The following SLC14A2 variants were observed in gnomAD, a reference collection of about 807,000 sequenced individuals.
SLC14A2 encodes the protein urea transporter 2.
In SLC14A2, 91 loss-of-function variants were observed where a neutral mutation model predicts 104.6. The ratio of observed to expected loss-of-function variants is 0.87; its 90% CI spans 0.73 to 1.04. The LOEUF (loss-of-function observed/expected upper bound fraction) is 1.04, where lower values mean the gene tolerates loss of function less well. SLC14A2 is among the 50% of genes least tolerant of loss of function. SLC14A2 has a pLI of 0.00. For synonymous variants in SLC14A2, 476 were observed against 466.4 expected, an observed-to-expected ratio of 1.02 and a Z score of -0.27; for missense variants, 1,189 against 1,156.0, an observed-to-expected ratio of 1.03 and a Z score of -0.41.
chr18:45,648,954 G>A (rs1024298489), intron 10 of SLC14A2, among the ~76,000 whole-genome samples: 6 of 151,964 alleles, frequency 3.9e-5, no homozygotes, highest in South Asian at 2.1e-4. Context: ...CGTCTCTCAC[G>A]AGGTCAGGAG....
At chr18:45,505,641 T>C (rs1009251833) in intron 2 of SLC14A2, among the ~76,000 whole-genome samples, 1 of 152,124 alleles carries the variant, frequency 6.6e-6, no homozygotes, top group Non-Finnish European at 1.5e-5. Context: ...TGCAAACAGA[T>C]TTCCATATGT....
At chr18:45,259,572 T>A (rs1260805647) in intron 1 of SLC14A2, among the ~76,000 whole-genome samples, 2 of 151,926 alleles carry the variant, frequency 1.3e-5, no homozygotes, top group African/African-American at 4.8e-5. Flanking sequence ...GAAGGAAAGG[T>A]GAAGAGTAAA....
intron 1 of SLC14A2, among the ~76,000 whole-genome samples, chr18:45,360,054 C>G (rs147970304): frequency 6.6e-6 from 1 of 152,324 alleles, no homozygotes; most frequent in South Asian, 2.1e-4. Context: ...TTAGCCCAGA[C>G]GAGCTGTACT....
At chr18:45,671,118 C>G (rs1330146096) in intron 16 of SLC14A2, among the ~76,000 whole-genome samples, 1 of 152,104 alleles carries the variant, frequency 6.6e-6, no homozygotes, top group Non-Finnish European at 1.5e-5. Context: ...CAAACTTGCT[C>G]TAAGTGGCAT....
At chr18:45,394,291 A>G (rs1277678285) in intron 1 of SLC14A2, among the ~76,000 whole-genome samples, 2 of 152,108 alleles carry the variant, frequency 1.3e-5, no homozygotes, top group Admixed American at 6.6e-5. Flanking sequence ...ACATCCTTAT[A>G]CCCTTTTAAT....
At chr18:45,511,656 G>A (rs1722039986) in intron 2 of SLC14A2, among the ~76,000 whole-genome samples, 1 of 152,160 alleles carries the variant, frequency 6.6e-6, no homozygotes, top group Admixed American at 6.5e-5. Flanking sequence ...GGATGAGCTG[G>A]GGTCTCAGGT....
At chr18:45,522,858 C>T (rs1203989001) in intron 2 of SLC14A2, among the ~76,000 whole-genome samples, 1 of 152,164 alleles carries the variant, frequency 6.6e-6, no homozygotes, top group Non-Finnish European at 1.5e-5. Flanking sequence ...ACCCTGTTGC[C>T]TTGGGCAATA....
Position 45,627,111 on chromosome 18 carries a change from T to G in SLC14A2, c.485T>G (p.Val162Gly), listed in dbSNP as rs199859786. The change falls in exon 4 of 20, where the codon GTC becomes GGC. Residue 162 changes from valine to glycine, a missense_variant. Physicochemically the swap from Val to Gly is moderately radical, Grantham distance 109 (BLOSUM62 -3). Transcript: ENST00000255226. ...WTITGGLGTV[V>G]STLTALALGQ... Reference sequence around the variant, plus strand: ...ATCACTGGGGGCCTGGGGACAGTGGTCTCGACCTTAACAGCTCTCGCCTTG... The same window carrying G: ...ATCACTGGGGGCCTGGGGACAGTGGGCTCGACCTTAACAGCTCTCGCCTTG... 3.7e-6 allele frequency: 6 copies of G among 1,614,106 alleles called. No individual in the cohort carries two copies. In the Admixed American group the frequency reaches 1.0e-4, roughly 27 times the overall value.
chr18:45,278,500 G>T (rs558158500), intron 1 of SLC14A2, among the ~76,000 whole-genome samples: 1 of 152,264 alleles, frequency 6.6e-6, no homozygotes, highest in East Asian at 1.9e-4. Flanking sequence ...CTGAGCACCT[G>T]AGTTGGGCAG....
intron 2 of SLC14A2, among the ~76,000 whole-genome samples, chr18:45,535,869 A>T (rs1373265114): frequency 1.3e-5 from 2 of 152,206 alleles, no homozygotes; most frequent in African/African-American, 4.8e-5. Context: ...TTGGACTTGG[A>T]ACTATAGGCA....
At chr18:45,395,206 A>C (rs1029136357) in intron 1 of SLC14A2, among the ~76,000 whole-genome samples, 5 of 152,252 alleles carry the variant, frequency 3.3e-5, no homozygotes, top group Non-Finnish European at 5.9e-5. Flanking sequence ...TGGCTTTAAA[A>C]AAGTAGAAAA....
At chr18:45,482,536 C>A (rs2087514687) in intron 1 of SLC14A2, 1 of 152,216 alleles carries the variant, frequency 6.6e-6, no homozygotes, top group Admixed American at 6.5e-5. Context: ...CTCAAGTTCA[C>A]TCAAGTGATT....
At chr18:45,344,895 C>T (rs1358074280) in intron 1 of SLC14A2, among the ~76,000 whole-genome samples, 3 of 152,208 alleles carry the variant, frequency 2.0e-5, no homozygotes, top group Non-Finnish European at 4.4e-5. Context: ...TTAAACTGAG[C>T]CTCCTAATTA....
At chr18:45,589,352 T>TATAC (rs561724548) in intron 2 of SLC14A2, among the ~76,000 whole-genome samples, 41 of 152,240 alleles carry the variant, frequency 2.7e-4, no homozygotes, top group Non-Finnish European at 5.7e-4. Context: ...CCCAAATGAA[T>TATAC]ATACGTGTAT....
At chr18:45,606,084 G>A (rs2044862131) in intron 2 of SLC14A2, among the ~76,000 whole-genome samples, 1 of 152,138 alleles carries the variant, frequency 6.6e-6, no homozygotes, top group South Asian at 2.1e-4. Context: ...AGGTGATGAG[G>A]AAGTATCAAG....
intron 1 of SLC14A2, among the ~76,000 whole-genome samples, chr18:45,396,326 A>G (rs1243970497): frequency 2.0e-5 from 3 of 152,204 alleles, no homozygotes; most frequent in African/African-American, 7.2e-5. Flanking sequence ...ACTGCTGAGC[A>G]TGTCCAGGGC....
intron 2 of SLC14A2, among the ~76,000 whole-genome samples, chr18:45,547,703 GATGAA>G (rs1214658252): frequency 6.6e-6 from 1 of 152,176 alleles, no homozygotes; most frequent in Non-Finnish European, 1.5e-5. Flanking sequence ...TCTAGGAGAT[GATGAA>G]ATGAGATGAT....
intron 1 of SLC14A2, among the ~76,000 whole-genome samples, chr18:45,460,596 A>G (rs1347956039): frequency 1.3e-5 from 2 of 152,230 alleles, no homozygotes; most frequent in East Asian, 1.9e-4. Context: ...AACAAATGCT[A>G]CGTGCTAAAT....
intron 2 of SLC14A2, among the ~76,000 whole-genome samples, chr18:45,501,144 A>G (rs2144761013): frequency 6.6e-6 from 1 of 152,354 alleles, no homozygotes; most frequent in Admixed American, 6.5e-5. Flanking sequence ...AGGATCAAAA[A>G]GGCTATAACT....
Sources: gnomAD v4.1 joint callset for allele counts (sites outside exome capture counted in the v4.1 genomes callset) on GRCh38, gnomAD v4.1.1 for gene constraint, MANE v1.5 for transcripts, NCBI Gene and HGNC (gene_info 2026-07-23, HGNC 2026-07-21) for gene names.